SLC35F4: variants seen among roughly 807,000 people sequenced by gnomAD.
SLC35F4 encodes chromosome 14 open reading frame 36.
A neutral mutation model predicts 44.2 loss-of-function variants in SLC35F4; 24 were observed. The observed-to-expected ratio is 0.54, with a 90% CI of 0.39 to 0.76. The LOEUF (loss-of-function observed/expected upper bound fraction) is 0.76. SLC35F4 is among the 30% of genes least tolerant of loss of function. The pLI, the probability that SLC35F4 is intolerant of heterozygous loss-of-function variation, is 0.00. For missense variants in SLC35F4, 562 were observed against 586.1 expected (o/e 0.96, Z 0.42); for synonymous variants, 238 against 223.6 (o/e 1.06, Z -0.57).
chr14:57,856,305 G>C (rs949980698), intron 1 of SLC35F4, among the ~76,000 whole-genome samples: 3 of 152,000 alleles, frequency 2.0e-5, no homozygotes, highest in African/African-American at 7.3e-5. Context: ...ATGTACCCCA[G>C]AACTTAAAGT....
chr14:57,769,334 C>T (rs2077306114), intron 1 of SLC35F4, among the ~76,000 whole-genome samples: 2 of 152,068 alleles, frequency 1.3e-5, no homozygotes, highest in Non-Finnish European at 2.9e-5. Flanking sequence ...CAAGACCTAA[C>T]GTGCATGTTT....
rs112565675 is a variant in SLC35F4 at position 57,590,718 on chromosome 14, T to C, written c.290-1205A>G. Among the ~76,000 whole-genome samples, 249 of 152,268 alleles carry C rather than the reference T, an allele frequency of 1.6e-3. 1 individual carries two copies. The highest frequency in any genetic ancestry group is 5.5e-3 in the African/African-American group (229 of 41,558). Reference sequence around the variant, plus strand: ...CCTGAGCTGAGATCCCAGATGGTAATTGCCTACAAGAGTCTCTTGTGTCTC... The same window carrying C: ...CCTGAGCTGAGATCCCAGATGGTAACTGCCTACAAGAGTCTCTTGTGTCTC... On this transcript the variant is annotated intron_variant, in intron 2 of 7. Coordinates refer to ENST00000556826, the MANE Select transcript of SLC35F4 (RefSeq NM_001306087.2).
At chr14:57,818,272 C>T (rs769046956) in intron 1 of SLC35F4, among the ~76,000 whole-genome samples, 7 of 152,258 alleles carry the variant, frequency 4.6e-5, no homozygotes, top group Admixed American at 6.5e-5. Context: ...CAGCATTCCG[C>T]TCAGTAACCC....
intron 1 of SLC35F4, among the ~76,000 whole-genome samples, chr14:57,887,746 T>C (rs1397221591): frequency 6.6e-6 from 1 of 152,154 alleles, no homozygotes; most frequent in African/African-American, 2.4e-5. Flanking sequence ...TTAGCAGAGC[T>C]CCTGTCAGCC....
chr14:57,734,090 G>C (rs771965441), intron 1 of SLC35F4, among the ~76,000 whole-genome samples: 7 of 152,120 alleles, frequency 4.6e-5, no homozygotes, highest in Non-Finnish European at 7.3e-5. Flanking sequence ...TAAAATTGGG[G>C]GGAAAGCTGT....
chr14:57,943,796 AT>A (rs1490759065), intron 1 of SLC35F4, among the ~76,000 whole-genome samples: 1 of 152,320 alleles, frequency 6.6e-6, no homozygotes, highest in Non-Finnish European at 1.5e-5. Flanking sequence ...GGTGAAGAAA[AT>A]ATCCCCAGTG....
intron 1 of SLC35F4, among the ~76,000 whole-genome samples, chr14:57,735,884 G>T (rs2076452397): frequency 6.6e-6 from 1 of 151,928 alleles, no homozygotes; most frequent in African/African-American, 2.4e-5. Context: ...ACCACCCCCG[G>T]CTAATTTATT....
intron 1 of SLC35F4, among the ~76,000 whole-genome samples, chr14:57,900,498 C>T (rs921459861): frequency 6.6e-6 from 1 of 152,160 alleles, no homozygotes; most frequent in Non-Finnish European, 1.5e-5. Context: ...CCCTCTCTTT[C>T]TAGAAGAGAG....
At chr14:57,865,577 T>A (rs1030587111) in intron 1 of SLC35F4, 146 bp downstream of exon 1, 6 of 602,754 alleles carry the variant, frequency 1.0e-5, no homozygotes, top group Non-Finnish European at 1.3e-5. Flanking sequence ...CCCCGGGGGG[T>A]CCCCGCCGCC....
intron 1 of SLC35F4, among the ~76,000 whole-genome samples, chr14:57,617,153 CAG>C (rs1369726041): frequency 1.3e-4 from 2 of 15,382 alleles, no homozygotes; most frequent in Admixed American, 1.0e-3. Flanking sequence ...TTTTTTGAGA[CAG>C]AGTCTCGCTC....
At chr14:57,608,802 G>GT (rs2071323432) in intron 1 of SLC35F4, among the ~76,000 whole-genome samples, 2 of 109,978 alleles carry the variant, frequency 1.8e-5, no homozygotes, top group South Asian at 3.0e-4. Flanking sequence ...GGGGGCGGCG[G>GT]GGGGAGAGAA....
At chr14:57,654,560 C>T (rs2073898944) in intron 1 of SLC35F4, among the ~76,000 whole-genome samples, 1 of 152,154 alleles carries the variant, frequency 6.6e-6, no homozygotes, top group South Asian at 2.1e-4. Flanking sequence ...CATGCATGTG[C>T]AAGTGTCTTT....
intron 1 of SLC35F4, among the ~76,000 whole-genome samples, chr14:57,745,514 CA>C (rs1159868753): frequency 2.0e-5 from 3 of 152,170 alleles, no homozygotes; most frequent in Admixed American, 2.0e-4. Context: ...CAGAGAAATG[CA>C]AATCAAAACC....
intron 1 of SLC35F4, among the ~76,000 whole-genome samples, chr14:57,660,720 G>A (rs1439789891): frequency 6.6e-6 from 1 of 152,058 alleles, no homozygotes; most frequent in African/African-American, 2.4e-5. Context: ...CATATTGTGA[G>A]CATTCTGAGA....
intron 1 of SLC35F4, among the ~76,000 whole-genome samples, chr14:57,789,493 G>A (rs1326960072): frequency 6.6e-6 from 1 of 152,098 alleles, no homozygotes; most frequent in African/African-American, 2.4e-5. Context: ...CTGAAATTGA[G>A]GCAGTAATTA....
rs563548122 is a variant in SLC35F4, at chr14:57,819,944, G to A, written c.103+45779C>T. On this transcript the variant is annotated intron_variant, in intron 1 of 7. Transcript: ENST00000556826. ...TTAGAAAGCTGTCTTATGGAATAAA[G>A]GATTCCAAAATAGACCCACACCTAT... is the stretch of plus-strand genomic sequence containing the variant. 9.2e-4 allele frequency among the ~76,000 whole-genome samples: 140 copies of A among 152,188 alleles called. 2 individuals carry two copies. In the South Asian group the frequency reaches 0.022, roughly 24 times the overall value.
chr14:57,682,297 A>G (rs376391535), intron 1 of SLC35F4, among the ~76,000 whole-genome samples: 11 of 152,194 alleles, frequency 7.2e-5, no homozygotes, highest in African/African-American at 2.7e-4. Context: ...CATATACACC[A>G]CGGAATACTA....
At chr14:57,830,140 C>G (rs940551637) in intron 1 of SLC35F4, among the ~76,000 whole-genome samples, 6 of 152,270 alleles carry the variant, frequency 3.9e-5, no homozygotes, top group African/African-American at 1.4e-4. Flanking sequence ...GAAGTAAAAT[C>G]TAGAAATACT....
At chr14:57,700,921 C>T (rs1459838205) in intron 1 of SLC35F4, among the ~76,000 whole-genome samples, 2 of 152,088 alleles carry the variant, frequency 1.3e-5, no homozygotes, top group East Asian at 1.9e-4. Context: ...AACAAAAAAG[C>T]CCCCCAAAAA....
Sources: gnomAD v4.1 joint callset for allele counts (sites outside exome capture counted in the v4.1 genomes callset) on GRCh38, gnomAD v4.1.1 for gene constraint, MANE v1.5 for transcripts, NCBI Gene and HGNC (gene_info 2026-07-23, HGNC 2026-07-21) for gene names.